Variants in TTBK2 observed in about 807,000 individuals in gnomAD.
TTBK2 encodes the protein tau tubulin kinase 2, also known as tau-tubulin kinase 2.
In TTBK2, 28 loss-of-function variants were observed where a neutral mutation model predicts 110.8. The ratio of observed to expected loss-of-function variants is 0.25; its 90% confidence interval spans 0.19 to 0.35. TTBK2 has a LOEUF of 0.35. Ranked by LOEUF, TTBK2 falls within the 10% of genes least tolerant of loss-of-function variation. The probability of loss-of-function intolerance (pLI) is 1.00; values close to 1 mark genes in which losing one functional copy is unlikely to be tolerated. For synonymous variants in TTBK2, 532 were observed against 527.3 expected (o/e 1.01, Z -0.12); for missense variants, 1,369 against 1,500.3 (o/e 0.91, Z 1.45).
At chr15:42,831,465 T>C (rs955668372) in intron 4 of TTBK2, among the ~76,000 whole-genome samples, 3 of 152,174 alleles carry the variant, frequency 2.0e-5, no homozygotes, top group Non-Finnish European at 4.4e-5. Flanking sequence ...TCAATTTACT[T>C]GTAGAAGTAT....
At position 42,745,722 on chromosome 15, in the gene TTBK2, A is replaced by G. The variant is rs2061781572; in HGVS notation, c.*73T>C. The G allele has an allele frequency of 1.3e-6, 2 of 1,553,200 alleles. No homozygotes were observed. The highest frequency in any genetic ancestry group is 2.2e-5 in the East Asian group (1 of 44,542). ...GATCAACACTGATTTTTTTACATAG[A>G]AAGTACAGGGACACACATGCATCAG... On this transcript the variant is annotated 3_prime_UTR_variant, in exon 15 of 15. Transcript: ENST00000267890.
At chr15:42,795,597 T>C (rs1027067160) in intron 9 of TTBK2, among the ~76,000 whole-genome samples, 1 of 152,078 alleles carries the variant, frequency 6.6e-6, no homozygotes, top group African/African-American at 2.4e-5. Flanking sequence ...AGCACTTCTT[T>C]GGAGGATTTT....
At chr15:42,773,514 A>G (rs1216695618) in intron 13 of TTBK2, among the ~76,000 whole-genome samples, 1 of 152,234 alleles carries the variant, frequency 6.6e-6, no homozygotes, top group African/African-American at 2.4e-5. Flanking sequence ...CATCACATAC[A>G]TGAACACAAG....
At position 42,777,018 on chromosome 15, in the gene TTBK2, C is replaced by T. The variant is rs1595898676; in HGVS notation, c.1409+13G>A. 1.9e-6 allele frequency: 3 copies of T among 1,612,526 alleles called. No individual in the cohort carries two copies. Among genetic ancestry groups the T allele is most frequent in the Non-Finnish European group, 8.5e-7 (1 of 1,178,724 alleles). ...CTTAGAAGCTTTAAAAAGAAAAATA[C>T]ACTATTTTATACCAGGTCTCAAGGA... On this transcript the variant is annotated intron_variant, in intron 12 of 14. Transcript: ENST00000267890.
At chr15:42,858,014 T>C (rs1288892635) in intron 3 of TTBK2, among the ~76,000 whole-genome samples, 1 of 151,146 alleles carries the variant, frequency 6.6e-6, no homozygotes, top group East Asian at 1.9e-4. Context: ...ACCTGGGAGG[T>C]GGAGGCAGCA....
intron 3 of TTBK2, among the ~76,000 whole-genome samples, chr15:42,843,504 T>C (rs547099744): frequency 2.3e-4 from 35 of 152,286 alleles, no homozygotes; most frequent in Admixed American, 6.5e-4. Flanking sequence ...CTCACGCCTG[T>C]AATCCCAGCA....
intron 1 of TTBK2, chr15:42,919,719 C>A (rs1249628883): frequency 1.1e-6 from 1 of 871,398 alleles, no homozygotes; most frequent in Non-Finnish European, 1.4e-6. Flanking sequence ...TACCCATCAA[C>A]TTTAATTCAA....
intron 12 of TTBK2, among the ~76,000 whole-genome samples, chr15:42,776,754 T>A (rs148449660): frequency 6.6e-6 from 1 of 152,242 alleles, no homozygotes; most frequent in Non-Finnish European, 1.5e-5. Flanking sequence ...AATGTTCATT[T>A]AACTTGTACC....
chr15:42,749,200 G>T (rs1479276891), intron 14 of TTBK2, among the ~76,000 whole-genome samples: 3 of 152,194 alleles, frequency 2.0e-5, no homozygotes, highest in African/African-American at 7.2e-5. Context: ...AGGAAATGGA[G>T]GTTCTTACTG....
intron 13 of TTBK2, among the ~76,000 whole-genome samples, chr15:42,771,786 A>T (rs1225855237): frequency 6.6e-6 from 1 of 152,122 alleles, no homozygotes; most frequent in Non-Finnish European, 1.5e-5. Flanking sequence ...AAAGTCTTTC[A>T]GTATGCTGGC....
In TTBK2 at chr15:42,751,957, A is replaced by G; in HGVS notation, c.3272+17T>C. On this transcript the variant is annotated intron_variant, in intron 14 of 14. Coordinates refer to ENST00000267890, the MANE Select transcript of TTBK2 (RefSeq NM_173500.4). The stretch of plus-strand genomic sequence containing the variant: ...ATGGTGTTACACACTTAACACAGGG[A>G]GAGCACACAGCATTACCTGGCTTCT... 1 of 1,614,080 alleles carries G rather than the reference A, an allele frequency of 6.2e-7. No homozygotes were observed. Among genetic ancestry groups the G allele is most frequent in the East Asian group, 2.2e-5 (1 of 44,892 alleles).
At chr15:42,747,564 A>G (rs1360387804) in intron 14 of TTBK2, among the ~76,000 whole-genome samples, 1 of 152,132 alleles carries the variant, frequency 6.6e-6, no homozygotes, top group Non-Finnish European at 1.5e-5. Flanking sequence ...GATCTCTCCC[A>G]TGTGCAGTTC....
In TTBK2 at chr15:42,821,076, C is replaced by A. The variant is rs963271124; in HGVS notation, c.538-3979G>T. The stretch of plus-strand genomic sequence containing the variant: ...AAAAAGAATGAGGAAGTTCTATATA[C>A]TAACATGGAAAGATCGTCTACATAC... On this transcript the variant is annotated intron_variant, in intron 6 of 14. Transcript: ENST00000267890. 2.6e-5 allele frequency among the ~76,000 whole-genome samples: 4 copies of A among 151,514 alleles called. 1 individual carries two copies. Among genetic ancestry groups the A allele is most frequent in the Non-Finnish European group, 5.9e-5 (4 of 67,890 alleles).
intron 10 of TTBK2, 108 bp downstream of exon 10, chr15:42,794,536 C>T: frequency 2.0e-6 from 3 of 1,484,738 alleles, no homozygotes; most frequent in South Asian, 2.3e-5. Flanking sequence ...CACAGGCTTT[C>T]CCGGATGTCT....
At chr15:42,757,275 A>T (rs1323189151) in intron 13 of TTBK2, among the ~76,000 whole-genome samples, 4 of 57,312 alleles carry the variant, frequency 7.0e-5, no homozygotes, top group African/African-American at 4.4e-4. Context: ...CCAGCTAATT[A>T]AAAAAAAAAA....
intron 1 of TTBK2, among the ~76,000 whole-genome samples, chr15:42,911,375 G>A (rs376487604): frequency 4.6e-5 from 7 of 152,294 alleles, no homozygotes; most frequent in African/African-American, 1.4e-4. Flanking sequence ...GCTGAGGCAG[G>A]AAGATTGCTT....
intron 10 of TTBK2, among the ~76,000 whole-genome samples, chr15:42,785,332 G>T (rs1890363213): frequency 6.6e-6 from 1 of 152,018 alleles, no homozygotes. Flanking sequence ...TGTTGGCCAG[G>T]CTGGTCTCGA....
At chr15:42,783,929 G>T (rs1003679082) in intron 10 of TTBK2, among the ~76,000 whole-genome samples, 4 of 151,954 alleles carry the variant, frequency 2.6e-5, no homozygotes, top group Non-Finnish European at 5.9e-5. Context: ...GGGCGTGGTG[G>T]TGGGCACCTG....
In TTBK2 at chr15:42,746,142, T is replaced by C; in HGVS notation, c.3388A>G (p.Ser1130Gly). ...QKPRSTTQCK[S>G]PGSPHNPKTP... is the part of the protein sequence containing the mutation. ...TTTGGATTGTGAGGAGATCCTGGAC[T>C]CTTGCACTGAGTAGTGCTCCGGGGT... Residue 1130 changes from serine (S) to glycine (G), a missense_variant, in exon 15 of 15, where the codon AGT becomes GGT. Physicochemically the swap from Ser to Gly is moderately conservative, Grantham distance 56. Around this residue, in one of 4 missense-constraint regions of TTBK2, gnomAD observed 1,097 missense variants for 1,114.7 expected, o/e 0.98. Coordinates refer to ENST00000267890, the MANE Select transcript of TTBK2 (RefSeq NM_173500.4). 1 of 1,614,138 alleles carries C rather than the reference T, an allele frequency of 6.2e-7. No individual in the cohort carries two copies. The highest frequency in any genetic ancestry group is 8.5e-7 in the Non-Finnish European group (1 of 1,180,026).
Sources: gnomAD v4.1 joint callset for allele counts (sites outside exome capture counted in the v4.1 genomes callset) on GRCh38, gnomAD v4.1.1 for gene constraint, gnomAD v4.1.1 regional missense constraint, MANE v1.5 for transcripts, NCBI Gene and HGNC (gene_info 2026-07-23, HGNC 2026-07-21) for gene names.